The following RIPOR1 variants were observed in gnomAD, a reference collection of about 807,000 sequenced individuals.
RIPOR1 encodes rho family-interacting cell polarization regulator 1.
In RIPOR1, 58 loss-of-function variants were observed where a neutral mutation model predicts 116.5. The observed-to-expected ratio is 0.50, with a 90% confidence interval of 0.40 to 0.62. The LOEUF is 0.62. RIPOR1 is among the 20% of genes least tolerant of loss of function. The probability of loss-of-function intolerance (pLI) is 0.00; values close to 1 mark genes in which losing one functional copy is unlikely to be tolerated. For missense variants in RIPOR1, 1,372 were observed against 1,586.2 expected, an observed-to-expected ratio of 0.86 and a Z score of 2.29; for synonymous variants, 605 against 650.0, an observed-to-expected ratio of 0.93 and a Z score of 1.05.
At chr16:67,523,262 T>C (rs1317549080) in intron 1 of RIPOR1, among the ~76,000 whole-genome samples, 6 of 152,038 alleles carry the variant, frequency 3.9e-5, no homozygotes, top group Non-Finnish European at 7.4e-5. Flanking sequence ...CCTCTGTCCC[T>C]GATTAAACAA....
In RIPOR1 at chr16:67,545,270, G is replaced by T; in HGVS notation, c.3032-106G>T. 1 of 1,521,498 alleles carries T rather than the reference G, an allele frequency of 6.6e-7. No homozygotes were observed. 94.2% of individuals were successfully genotyped at this position (1,521,498 alleles called of 1,614,324 possible). ...AGAGCAGAAGGACCCAGATGGGTGG[G>T]GTTTGAACAGGGGGCCCCTGGACCT... On this transcript the variant is annotated intron_variant, in intron 17 of 21. Coordinates refer to ENST00000042381, the MANE Select transcript of RIPOR1 (RefSeq NM_024519.4). The surrounding 1 kb of genome is among the most constrained non-coding windows in gnomAD (Gnocchi z 4.8).
At position 67,544,453 on chromosome 16, in the gene RIPOR1, C is replaced by A. The variant is rs763607658; in HGVS notation, c.2733+22C>A. On this transcript the variant is annotated intron_variant, in intron 15 of 21. Coordinates refer to ENST00000042381, the MANE Select transcript of RIPOR1 (RefSeq NM_024519.4). The surrounding 1 kb of genome is among the most constrained non-coding windows in gnomAD (Gnocchi z 5.1). ...GCTGGTGAGGCTGATGGTGTTCCCC[C>A]ACCCTTCCTTTGTAACCCCTAACCC... is the stretch of plus-strand genomic sequence containing the variant. 5.6e-6 allele frequency: 9 copies of A among 1,594,040 alleles called. No individual in the cohort carries two copies. Among genetic ancestry groups the A allele is most frequent in the Non-Finnish European group, 6.0e-6 (7 of 1,170,318 alleles).
At chr16:67,533,311 T>C (rs1273157908) in intron 1 of RIPOR1, among the ~76,000 whole-genome samples, 1 of 152,028 alleles carries the variant, frequency 6.6e-6, no homozygotes, top group Non-Finnish European at 1.5e-5. Flanking sequence ...GGCCTGGTGC[T>C]CAGAAGAGTG....
Position 67,529,721 on chromosome 16 carries a change from G to A in RIPOR1, c.-24+807G>A, listed in dbSNP as rs2050603603. On this transcript the variant is annotated intron_variant, in intron 1 of 21. Transcript: ENST00000042381. The surrounding 1 kb of genome is among the most constrained non-coding windows in gnomAD (Gnocchi z 4.1). ...CAGGCTGGCCGCCCCAGCACCTACT[G>A]TGCGCAGCCTCGTGTAACAATACTT... 2.6e-6 allele frequency: 4 copies of A among 1,526,840 alleles called. No individual in the cohort carries two copies. The highest frequency in any genetic ancestry group is 3.5e-6 in the Non-Finnish European group (4 of 1,142,334). The allele number at this position is 1,526,840 out of a possible 1,614,324, so 94.6% of individuals were successfully genotyped here.
At position 67,543,265 on chromosome 16, in the gene RIPOR1, G is replaced by T; in HGVS notation, c.2478+1G>T. The stretch of plus-strand genomic sequence containing the variant: ...GACCCGCCTAGAAAGTCTGCTCATG[G>T]TGAGGAGGGCTGGGCTGGGCTAGGG... On this transcript the variant is annotated splice_donor_variant, in intron 13 of 21. Transcript: ENST00000042381. LOFTEE classifies it high-confidence loss of function. This position sits in a 1 kb window ranked among gnomAD's most constrained non-coding sequence, Gnocchi z 4.7. The T allele has an allele frequency of 6.2e-7, 1 of 1,602,188 alleles. No homozygotes were observed. The highest frequency in any genetic ancestry group is 8.5e-7 in the Non-Finnish European group (1 of 1,174,172).
chr16:67,539,644 G>A, intron 4 of RIPOR1, 84 bp from the exon 5 acceptor site: 1 of 1,503,408 alleles, frequency 6.7e-7, no homozygotes, highest in South Asian at 1.1e-5. Flanking sequence ...GTGTGAGAAA[G>A]GGGAGCTGTG....
At chr16:67,546,310 G>A (rs980900616) in intron 21 of RIPOR1, 56 bp from the exon 22 acceptor site, 3 of 1,606,102 alleles carry the variant, frequency 1.9e-6, no homozygotes, top group Non-Finnish European at 1.7e-6. Flanking sequence ...GGCGCCAGGG[G>A]TGGGAGAGTG....
Position 67,539,003 on chromosome 16 carries a change from G to A in RIPOR1, c.271G>A (p.Val91Met), listed in dbSNP as rs143856664. Residue 91 changes from valine (V) to methionine (M), a missense_variant, in exon 4 of 22, where the codon GTG becomes ATG. Transcript: ENST00000042381. Reference protein sequence around the residue: ...LKRGLTAYLEVHQQEQEKLQG... With the variant: ...LKRGLTAYLEMHQQEQEKLQG... The stretch of plus-strand genomic sequence containing the variant: ...CCCTTTCCTCAGGGCCTACTTGGAA[G>A]TGCACCAGCAGGAGCAAGAGAAACT... 24 of 1,613,714 alleles carry A rather than the reference G, an allele frequency of 1.5e-5. No homozygotes were observed. The African/African-American group carries it at 2.5e-4, about 17-fold the overall frequency.
At chr16:67,527,267 T>C (rs2142400411), upstream of RIPOR1, among the ~76,000 whole-genome samples, 1 of 148,866 alleles carries the variant, frequency 6.7e-6, no homozygotes, top group South Asian at 2.1e-4. Context: ...CTACCAAAAA[T>C]ATAAAAATTA....
chr16:67,529,578 T>C lies in RIPOR1; in HGVS notation c.-24+664T>C, dbSNP rs747585064. On this transcript the variant is annotated intron_variant, in intron 1 of 21. Coordinates refer to ENST00000042381, the MANE Select transcript of RIPOR1 (RefSeq NM_024519.4). This position sits in a 1 kb window ranked among gnomAD's most constrained non-coding sequence, Gnocchi z 4.1. ...AGAACTGGTTTGGGCAAGGGGCTGC[T>C]CACCAGGGCTAGAGGTCGGATTCAG... The C allele has an allele frequency of 2.0e-4, 117 of 576,598 alleles. No homozygotes were observed. Among genetic ancestry groups the C allele is most frequent in the Non-Finnish European group, 3.0e-4 (99 of 326,818 alleles). The allele number at this position is 576,598 out of a possible 1,614,324, so 35.7% of individuals were successfully genotyped here. A position where few individuals can be genotyped will look rare whatever the true frequency, so the allele number is the denominator to read the frequency against.
At chr16:67,525,878 A>G (rs1251278119), upstream of RIPOR1, among the ~76,000 whole-genome samples, 1 of 152,080 alleles carries the variant, frequency 6.6e-6, no homozygotes, top group Non-Finnish European at 1.5e-5. Flanking sequence ...GACAGTTTCT[A>G]TGGGAAGTTC....
rs770420444 is a variant in RIPOR1 at position 67,545,757 on chromosome 16, T to C, written c.3284T>C (p.Leu1095Pro). ...GAGGGGCGTCTGCGAAGGGACGGGC[T>C]GCGGGCCCTCAGCTCCCTGCTCGTC... ...APEGRLRRDG[L>P]RALSSLLVHG... Residue 1095 changes from leucine (L) to proline (P), a missense_variant, in exon 19 of 22, where the codon CTG becomes CCG. Transcript: ENST00000042381. This position sits in a 1 kb window ranked among gnomAD's most constrained non-coding sequence, Gnocchi z 4.8. The C allele has an allele frequency of 1.9e-6, 3 of 1,612,524 alleles. No homozygotes were observed.
intron 1 of RIPOR1, among the ~76,000 whole-genome samples, chr16:67,533,272 G>A (rs2050708749): frequency 6.6e-6 from 1 of 152,174 alleles, no homozygotes; most frequent in East Asian, 1.9e-4. Context: ...TGCATCTGGG[G>A]AGGCAGCAAG....
chr16:67,520,367 G>C (rs2050484701), intron 1 of RIPOR1, among the ~76,000 whole-genome samples: 1 of 144,422 alleles, frequency 6.9e-6, no homozygotes, highest in African/African-American at 2.7e-5. Context: ...GTGACAGTGA[G>C]ACCCCATCTC....
intron 1 of RIPOR1, among the ~76,000 whole-genome samples, chr16:67,522,399 C>T (rs1217039371): frequency 6.6e-6 from 1 of 151,342 alleles, no homozygotes; most frequent in African/African-American, 2.4e-5. Flanking sequence ...ACGGGGTATC[C>T]CCATATTGGC....
At position 67,546,521 on chromosome 16, in the gene RIPOR1, C is replaced by T; in HGVS notation, c.*58C>T. 1.4e-6 allele frequency: 2 copies of T among 1,441,428 alleles called. No individual in the cohort carries two copies. Among genetic ancestry groups the T allele is most frequent in the South Asian group, 2.3e-5 (2 of 86,562 alleles). 89.3% of individuals were successfully genotyped at this position (1,441,428 alleles called of 1,614,324 possible). A position where few individuals can be genotyped will look rare whatever the true frequency, so the allele number is the denominator to read the frequency against. On this transcript the variant is annotated 3_prime_UTR_variant, in exon 22 of 22. Coordinates refer to ENST00000042381, the MANE Select transcript of RIPOR1 (RefSeq NM_024519.4). ...CCCCCCACTTTCAGGGCTCACCAGG[C>T]ACTGGCAGGGAGGGTAAGGGCTGGC... is the stretch of plus-strand genomic sequence containing the variant.
At position 67,538,726 on chromosome 16, in the gene RIPOR1, C is replaced by G. The variant is rs372941924; in HGVS notation, c.159C>G (p.Ser53=). The G allele has an allele frequency of 1.2e-5, 20 of 1,613,438 alleles. No individual in the cohort carries two copies. The African/African-American group carries it at 2.5e-4, about 20-fold the overall frequency. Residue 53 remains serine (S), a synonymous_variant, in exon 3 of 22, where the codon TCC becomes TCG. Coordinates refer to ENST00000042381, the MANE Select transcript of RIPOR1 (RefSeq NM_024519.4). ...CCCCACGGAAGCCCCCCGCGCTCTC[C>G]CGAGTGTCCAGGATGTTTTCCGTGG... ...PGPPRKPPAL[S]RVSRMFSVAH...
intron 1 of RIPOR1, among the ~76,000 whole-genome samples, chr16:67,536,433 G>GA (rs371685277): frequency 6.6e-6 from 1 of 150,936 alleles, no homozygotes; most frequent in Non-Finnish European, 1.5e-5. Flanking sequence ...GGGAGACACA[G>GA]AAAAAAAAAG....
At position 67,537,908 on chromosome 16, in the gene RIPOR1, G is replaced by A. The variant is rs2050842623; in HGVS notation, c.-23-516G>A. Among the ~76,000 whole-genome samples the A allele has an allele frequency of 6.6e-6, 1 of 151,848 alleles. No homozygotes were observed. The highest frequency in any genetic ancestry group is 1.5e-5 in the Non-Finnish European group (1 of 67,928). ...GGTCACGCTGGCAGGCGGGGGGCGG[G>A]CGACAAACCCGCACCGGCTGGGCCT... On this transcript the variant is annotated intron_variant, in intron 1 of 21. Coordinates refer to ENST00000042381, the MANE Select transcript of RIPOR1 (RefSeq NM_024519.4). The surrounding 1 kb of genome is among the most constrained non-coding windows in gnomAD (Gnocchi z 4.6).
Sources: allele counts gnomAD v4.1 joint callset (sites outside exome capture counted in the v4.1 genomes callset), GRCh38; gene constraint gnomAD v4.1.1; non-coding constraint Gnocchi (gnomAD v3.1); transcripts MANE v1.5; gene names NCBI Gene and HGNC (gene_info 2026-07-23, HGNC 2026-07-21).